Variants in ETV5 observed in about 807,000 individuals in gnomAD.
ETV5 encodes ETS translocation variant 5.
ETV5 carries 10 observed loss-of-function variants against 70.0 expected under a neutral mutation model. The observed-to-expected ratio is 0.14, with a 90% CI of 0.09 to 0.24. ETV5 has a LOEUF of 0.24. Ranked by LOEUF, ETV5 falls within the 10% of genes least tolerant of loss-of-function variation. The pLI is 1.00. For missense variants in ETV5, 453 were observed against 651.2 expected, an observed-to-expected ratio of 0.70 and a Z score of 3.31; for synonymous variants, 216 against 242.2, an observed-to-expected ratio of 0.89 and a Z score of 1.01.
Position 186,056,968 on chromosome 3 carries a change from GAAGC to G in ETV5, c.1209+103_1209+106del, listed in dbSNP as rs1713180221. On this transcript the variant is annotated intron_variant, in intron 11 of 12. Coordinates refer to ENST00000306376, the MANE Select transcript of ETV5 (RefSeq NM_004454.3). Reference sequence around the variant, plus strand: ...ACTGGCCAGGCCAGAATATGAATGAGAAGCAAGAGCAGACTTGACACAAAAAGCC... The same window carrying G: ...ACTGGCCAGGCCAGAATATGAATGAGAAGAGCAGACTTGACACAAAAAGCC... 5.3e-6 allele frequency: 7 copies of G among 1,315,294 alleles called. 1 individual carries two copies. In the South Asian group the frequency reaches 1.0e-4, roughly 19 times the overall value. 81.5% of individuals were successfully genotyped at this position (1,315,294 alleles called of 1,614,324 possible). A position where few individuals can be genotyped will look rare whatever the true frequency, so the allele number is the denominator to read the frequency against.
rs145036845 is a variant in ETV5 at position 186,099,297 on chromosome 3, C to T, written c.232+6008G>A. 2.1e-3 allele frequency among the ~76,000 whole-genome samples: 322 copies of T among 151,030 alleles called. 2 individuals are homozygous for T. The highest frequency in any genetic ancestry group is 7.4e-3 in the African/African-American group (307 of 41,296). On this transcript the variant is annotated intron_variant, in intron 5 of 12. Coordinates refer to ENST00000306376, the MANE Select transcript of ETV5 (RefSeq NM_004454.3). ...GGGATAGGACAATGATAGAAACTGA[C>T]GACCAAAGCCTCTGTTAAATGAGCT...
Position 186,079,943 on chromosome 3 carries a change from G to A in ETV5, c.524C>T (p.Ala175Val). The A allele has an allele frequency of 6.3e-7, 1 of 1,585,796 alleles. No individual in the cohort carries two copies. Among genetic ancestry groups the A allele is most frequent in the Admixed American group, 1.7e-5 (1 of 58,182 alleles). Residue 175 changes from alanine (A) to valine (V), a missense_variant, in exon 7 of 13, where the codon GCC (alanine) becomes GTC (valine). By Grantham distance (64) the Ala-to-Val change is moderately conservative. Coordinates refer to ENST00000306376, the MANE Select transcript of ETV5 (RefSeq NM_004454.3). ...CTCTGGAAGCGAATGGGGGGCGGGG[G>A]CGGGGCCCACACCTTGAACTGGGCC... is the stretch of plus-strand genomic sequence containing the variant. ...AAGPVQGVGP[A>V]PAPHSLPEPG...
intron 5 of ETV5, among the ~76,000 whole-genome samples, chr3:186,086,227 G>A (rs547058802): frequency 6.6e-6 from 1 of 152,350 alleles, no homozygotes; most frequent in Non-Finnish European, 1.5e-5. Flanking sequence ...CTGTGGGTAT[G>A]CACAATCAAG....
intron 5 of ETV5, among the ~76,000 whole-genome samples, chr3:186,097,337 G>A (rs1008633626): frequency 2.0e-5 from 3 of 151,984 alleles, no homozygotes; most frequent in Non-Finnish European, 4.4e-5. Flanking sequence ...CTACAACTTT[G>A]TCTCCCCCTG....
intron 9 of ETV5, among the ~76,000 whole-genome samples, chr3:186,062,772 G>C (rs1310697964): frequency 6.6e-6 from 1 of 152,112 alleles, no homozygotes; most frequent in Non-Finnish European, 1.5e-5. Context: ...TTTAAAAAAA[G>C]ACTATAAAAC....
At chr3:186,070,403 T>A (rs1713603131) in intron 7 of ETV5, among the ~76,000 whole-genome samples, 1 of 152,194 alleles carries the variant, frequency 6.6e-6, no homozygotes, top group Non-Finnish European at 1.5e-5. Flanking sequence ...TATGGCCTCC[T>A]CAGGAAAAGG....
intron 5 of ETV5, among the ~76,000 whole-genome samples, chr3:186,086,724 G>T (rs1267782228): frequency 6.6e-6 from 1 of 151,922 alleles, no homozygotes; most frequent in Non-Finnish European, 1.5e-5. Flanking sequence ...GGGAGGCTAA[G>T]GTAGGGCAGA....
At chr3:186,074,812 G>A (rs566500543) in intron 7 of ETV5, among the ~76,000 whole-genome samples, 2 of 136,864 alleles carry the variant, frequency 1.5e-5, no homozygotes, top group East Asian at 4.5e-4. Flanking sequence ...TATGCACCCA[G>A]ATGGCGCCAC....
At chr3:186,107,365 T>A (rs1714613108) in intron 1 of ETV5, among the ~76,000 whole-genome samples, 2 of 152,164 alleles carry the variant, frequency 1.3e-5, no homozygotes. Context: ...GAGAGAGTGC[T>A]CTGTCGCTTA....
Position 186,048,428 on chromosome 3 carries a change from C to T in ETV5, c.*211G>A. The T allele has an allele frequency of 1.7e-6, 1 of 575,916 alleles. No homozygotes were observed. Among genetic ancestry groups the T allele is most frequent in the South Asian group, 2.1e-5 (1 of 48,612 alleles). The allele number at this position is 575,916 out of a possible 1,614,324, so 35.7% of individuals were successfully genotyped here. A position where few individuals can be genotyped will look rare whatever the true frequency, so the allele number is the denominator to read the frequency against. ...CAGAATCAAGAGTTGAGGCACTGGC[C>T]TTTTGGTGGTTTTCTGCCCCTCCCT... On this transcript the variant is annotated 3_prime_UTR_variant, in exon 13 of 13. Coordinates refer to ENST00000306376, the MANE Select transcript of ETV5 (RefSeq NM_004454.3).
chr3:186,076,316 G>A (rs1056632594), intron 7 of ETV5: 2 of 201,858 alleles, frequency 9.9e-6, no homozygotes, highest in Non-Finnish European at 2.0e-5. Flanking sequence ...AGAGATGGGG[G>A]TCTCACTGTG....
chr3:186,061,182 T>A (rs1157109237), intron 9 of ETV5, among the ~76,000 whole-genome samples: 1 of 152,210 alleles, frequency 6.6e-6, no homozygotes, highest in Non-Finnish European at 1.5e-5. Flanking sequence ...GACTTTCATT[T>A]AAAATGACAG....
rs1713919419 is a variant in ETV5 at position 186,080,943 on chromosome 3, C to T, written c.362+103G>A. Reference sequence around the variant, plus strand: ...CATGAAAGAAGGATATGTTTTACCACAGGGTCTGCTGGGTAAGTAACACTG... The same window carrying T: ...CATGAAAGAAGGATATGTTTTACCATAGGGTCTGCTGGGTAAGTAACACTG... On this transcript the variant is annotated intron_variant, in intron 6 of 12. Coordinates refer to ENST00000306376, the MANE Select transcript of ETV5 (RefSeq NM_004454.3). 6.5e-6 allele frequency: 9 copies of T among 1,383,292 alleles called. No homozygotes were observed. The Admixed American group carries it at 2.0e-4, about 31-fold the overall frequency. The allele number at this position is 1,383,292 out of a possible 1,614,324, so 85.7% of individuals were successfully genotyped here.
At chr3:186,094,965 T>G (rs1443482734) in intron 5 of ETV5, among the ~76,000 whole-genome samples, 1 of 152,148 alleles carries the variant, frequency 6.6e-6, no homozygotes, top group Non-Finnish European at 1.5e-5. Flanking sequence ...GGCATGTTGG[T>G]TACTTTCATG....
At chr3:186,108,249 G>A (rs1251091489) in intron 1 of ETV5, among the ~76,000 whole-genome samples, 1 of 151,162 alleles carries the variant, frequency 6.6e-6, no homozygotes, top group Admixed American at 6.6e-5. Flanking sequence ...AGCATCTTTC[G>A]GTGCTGTCCC....
chr3:186,085,428 T>A (rs1714033649), intron 5 of ETV5, among the ~76,000 whole-genome samples: 1 of 151,662 alleles, frequency 6.6e-6, no homozygotes, highest in Admixed American at 6.6e-5. Context: ...TGTCTGGCTC[T>A]GGGATACCAA....
chr3:186,058,400 A>C (rs139465195), intron 9 of ETV5, among the ~76,000 whole-genome samples: 19 of 152,322 alleles, frequency 1.2e-4, no homozygotes, highest in Middle Eastern at 3.4e-3. Flanking sequence ...CTTTACCAGC[A>C]CACGTCTTAG....
At chr3:186,097,221 G>T (rs888831766) in intron 5 of ETV5, among the ~76,000 whole-genome samples, 2 of 147,498 alleles carry the variant, frequency 1.4e-5, no homozygotes, top group African/African-American at 5.2e-5. Flanking sequence ...CCATAGTGAG[G>T]TTCCCCCATT....
At position 186,048,632 on chromosome 3, in the gene ETV5, C is replaced by G; in HGVS notation, c.*7G>C. ...TCTAGGGTTTGGCCACTCCGCCACT[C>G]AGAAACTTAGTAAGCAAAGCCTTCG... On this transcript the variant is annotated 3_prime_UTR_variant, in exon 13 of 13. Transcript: ENST00000306376. 6.2e-7 allele frequency: 1 copy of G among 1,613,868 alleles called. No homozygotes were observed. The highest frequency in any genetic ancestry group is 1.7e-5 in the Admixed American group (1 of 60,026).
Sources: allele counts gnomAD v4.1 joint callset (sites outside exome capture counted in the v4.1 genomes callset), GRCh38; gene constraint gnomAD v4.1.1; transcripts MANE v1.5; gene names NCBI Gene and HGNC (gene_info 2026-07-23, HGNC 2026-07-21).